Variants in RAP1GDS1 observed in about 807,000 individuals in gnomAD.
RAP1GDS1 encodes Rap1 GTPase-GDP dissociation stimulator 1.
Under a neutral mutation model 71.1 loss-of-function variants are expected in RAP1GDS1, and 35 were observed. The observed-to-expected ratio is 0.49, with a 90% CI of 0.38 to 0.65. The LOEUF is 0.65. Among genes scored for constraint, RAP1GDS1 ranks in the 30% least tolerant of loss-of-function variants. The probability of loss-of-function intolerance (pLI) is 0.00; values close to 1 mark genes in which losing one functional copy is unlikely to be tolerated. For synonymous variants in RAP1GDS1, 229 were observed against 243.1 expected (o/e 0.94, Z 0.54); for missense variants, 663 against 706.1 (o/e 0.94, Z 0.69).
chr4:98,307,718 A>G (rs777223694), intron 2 of RAP1GDS1, among the ~76,000 whole-genome samples: 1 of 152,054 alleles, frequency 6.6e-6, no homozygotes, highest in Non-Finnish European at 1.5e-5. Context: ...ATATTTTTGT[A>G]TGTATTCAGC....
chr4:98,330,111 CAT>C (rs751888711), intron 2 of RAP1GDS1, among the ~76,000 whole-genome samples: 9 of 152,096 alleles, frequency 5.9e-5, no homozygotes, highest in Non-Finnish European at 1.0e-4. Flanking sequence ...TGACACAGCA[CAT>C]GTTTCAGAAA....
intron 2 of RAP1GDS1, among the ~76,000 whole-genome samples, chr4:98,323,149 T>C (rs1224678913): frequency 4.7e-5 from 7 of 148,534 alleles, no homozygotes; most frequent in East Asian, 4.0e-4. Flanking sequence ...AACACCTCTA[T>C]GCAAATAAAC....
chr4:98,333,711 T>G (rs1363500370), intron 2 of RAP1GDS1, among the ~76,000 whole-genome samples: 1 of 152,092 alleles, frequency 6.6e-6, no homozygotes, highest in African/African-American at 2.4e-5. Context: ...TTATGAAAGT[T>G]GAGATACTGG....
intron 1 of RAP1GDS1, among the ~76,000 whole-genome samples, chr4:98,282,917 T>C (rs1020478125): frequency 5.9e-5 from 9 of 152,172 alleles, no homozygotes; most frequent in African/African-American, 1.9e-4. Flanking sequence ...AGTTTCCATG[T>C]AGTTGTGTGG....
intron 4 of RAP1GDS1, among the ~76,000 whole-genome samples, chr4:98,374,633 C>T (rs1289186831): frequency 1.3e-5 from 2 of 152,088 alleles, no homozygotes; most frequent in African/African-American, 2.4e-5. Flanking sequence ...TTAGGGTGTT[C>T]GCATAGGGTA....
chr4:98,417,006 G>T, intron 8 of RAP1GDS1, 118 bp downstream of exon 8: 1 of 1,160,358 alleles, frequency 8.6e-7, no homozygotes, highest in Non-Finnish European at 1.2e-6. Flanking sequence ...ACCTGCTATT[G>T]AGGTGATGAT....
chr4:98,261,720 C>A, intron 1 of RAP1GDS1, 151 bp downstream of exon 1: 1 of 1,070,960 alleles, frequency 9.3e-7, no homozygotes, highest in Non-Finnish European at 1.3e-6. Flanking sequence ...AGTCGGCGCA[C>A]GCGGAACGCA....
intron 7 of RAP1GDS1, among the ~76,000 whole-genome samples, chr4:98,408,341 C>T (rs975587753): frequency 2.6e-5 from 4 of 152,020 alleles, no homozygotes; most frequent in African/African-American, 7.2e-5. Context: ...CCATGTTGCC[C>T]AGGCTGATCT....
chr4:98,347,510 C>A (rs569064373), intron 3 of RAP1GDS1, among the ~76,000 whole-genome samples: 106 of 152,228 alleles, frequency 7.0e-4, no homozygotes, highest in Middle Eastern at 3.4e-3. Flanking sequence ...TTAACCTATA[C>A]ATGTTTTGCA....
At chr4:98,267,274 A>G (rs1028139914) in intron 1 of RAP1GDS1, among the ~76,000 whole-genome samples, 5 of 152,102 alleles carry the variant, frequency 3.3e-5, no homozygotes, top group Non-Finnish European at 7.4e-5. Flanking sequence ...TTGTTTGGAA[A>G]GAGTTTGAGG....
chr4:98,265,282 G>A (rs1357495060), intron 1 of RAP1GDS1, among the ~76,000 whole-genome samples: 2 of 152,200 alleles, frequency 1.3e-5, no homozygotes, highest in Non-Finnish European at 1.5e-5. Context: ...TAGCCTGGGT[G>A]ATAATGAGGA....
chr4:98,275,966 C>G (rs1724137042), intron 1 of RAP1GDS1, among the ~76,000 whole-genome samples: 1 of 152,116 alleles, frequency 6.6e-6, no homozygotes, highest in Non-Finnish European at 1.5e-5. Context: ...TTTTTACATG[C>G]TGCTAGAGTA....
rs1726838607 is a variant in RAP1GDS1 at position 98,291,045 on chromosome 4, C to T, written c.5-2363C>T. The stretch of plus-strand genomic sequence containing the variant: ...AAGAGGTGTTTCAGAAATGGAAAAA[C>T]TGTCTATTGCTACAGAGATATCAAA... On this transcript the variant is annotated intron_variant, in intron 1 of 14. Transcript: ENST00000408927. Among the ~76,000 whole-genome samples the T allele has an allele frequency of 2.0e-5, 3 of 152,116 alleles. 1 individual carries two copies. Among genetic ancestry groups the T allele is most frequent in the Admixed American group, 2.0e-4 (3 of 15,258 alleles).
intron 2 of RAP1GDS1, among the ~76,000 whole-genome samples, chr4:98,303,625 A>AT (rs1728880594): frequency 5.1e-5 from 5 of 98,652 alleles, no homozygotes; most frequent in African/African-American, 1.8e-4. Flanking sequence ...AAGTAAATTA[A>AT]TAATAATATA....
rs397994660 is a variant in RAP1GDS1, at chr4:98,443,015, A to ATTT, written c.*919_*921dup. 1.1e-3 allele frequency: 147 copies of ATTT among 138,106 alleles called. No individual in the cohort carries two copies. The highest frequency in any genetic ancestry group is 1.9e-3 in the East Asian group (19 of 9,826). The allele number at this position is 138,106 out of a possible 1,614,324, so 8.6% of individuals were successfully genotyped here. On this transcript the variant is annotated 3_prime_UTR_variant, in exon 15 of 15. Coordinates refer to ENST00000408927, the MANE Select transcript of RAP1GDS1 (RefSeq NM_001100427.2). ...TGAGTATAGTTCATTGAAGAATGGA[A>ATTT]TTTTTTTTTTTTTTTTTTTTTTTGC... is the stretch of plus-strand genomic sequence containing the variant.
At chr4:98,363,920 G>A (rs1249772208) in intron 4 of RAP1GDS1, among the ~76,000 whole-genome samples, 2 of 152,142 alleles carry the variant, frequency 1.3e-5, no homozygotes, top group Non-Finnish European at 2.9e-5. Flanking sequence ...GGGAAAGTGC[G>A]AAAGGGAGAA....
intron 2 of RAP1GDS1, among the ~76,000 whole-genome samples, chr4:98,337,396 CA>C (rs1734861558): frequency 6.6e-6 from 1 of 152,154 alleles, no homozygotes. Flanking sequence ...AAAATATAGT[CA>C]TCAACATATA....
rs1737399398 is a variant in RAP1GDS1, at chr4:98,352,747, T to A, written c.361+146T>A. 7.4e-6 allele frequency: 5 copies of A among 679,350 alleles called. No homozygotes were observed. In the South Asian group the frequency reaches 1.9e-4, roughly 26 times the overall value. 42.1% of individuals were successfully genotyped at this position (679,350 alleles called of 1,614,324 possible). A position where few individuals can be genotyped will look rare whatever the true frequency, so the allele number is the denominator to read the frequency against. On this transcript the variant is annotated intron_variant, in intron 4 of 14. Coordinates refer to ENST00000408927, the MANE Select transcript of RAP1GDS1 (RefSeq NM_001100427.2). The stretch of plus-strand genomic sequence containing the variant: ...TCAGCACTGCTTATTTAGCAGAATT[T>A]ATGGAGATTCAGGTCGTTGTATTCT...
intron 2 of RAP1GDS1, among the ~76,000 whole-genome samples, chr4:98,301,205 A>C (rs1728540761): frequency 6.6e-6 from 1 of 150,872 alleles, no homozygotes; most frequent in African/African-American, 2.4e-5. Flanking sequence ...TACCTTCTTT[A>C]CTTTTTTTCA....
Sources: gnomAD v4.1 joint callset for allele counts (sites outside exome capture counted in the v4.1 genomes callset) on GRCh38, gnomAD v4.1.1 for gene constraint, MANE v1.5 for transcripts, NCBI Gene and HGNC (gene_info 2026-07-23, HGNC 2026-07-21) for gene names.